Variants in GSE1 observed in about 807,000 individuals in gnomAD.
The protein encoded by GSE1 is Gse1 coiled-coil protein, also known as genetic suppressor element 1.
GSE1 carries 32 observed loss-of-function variants against 112.6 expected under a neutral mutation model. That is an observed-to-expected ratio of 0.28 (90% confidence interval 0.21 to 0.38). GSE1 has a LOEUF of 0.38. Among genes scored for constraint, GSE1 ranks in the 10% least tolerant of loss-of-function variants. The probability of loss-of-function intolerance (pLI) is 1.00; values close to 1 mark genes in which losing one functional copy is unlikely to be tolerated. For synonymous variants in GSE1, 1,115 were observed against 735.6 expected (o/e 1.52, Z -8.35); for missense variants, 2,348 against 1,699.2 (o/e 1.38, Z -6.71).
intron 2 of GSE1, among the ~76,000 whole-genome samples, chr16:85,523,022 T>C (rs1474779024): frequency 6.6e-6 from 1 of 152,032 alleles, no homozygotes; most frequent in Non-Finnish European, 1.5e-5. Flanking sequence ...ACGTGTTGTG[T>C]GTATGCGTGT....
intron 2 of GSE1, among the ~76,000 whole-genome samples, chr16:85,505,396 C>G (rs1051616282): frequency 6.6e-6 from 1 of 152,184 alleles, no homozygotes; most frequent in African/African-American, 2.4e-5. Context: ...GCTCCTGGGA[C>G]TGTGATGGTG....
At chr16:85,193,219 C>T (rs568629767) in intron 1 of GSE1, among the ~76,000 whole-genome samples, 10 of 152,316 alleles carry the variant, frequency 6.6e-5, no homozygotes, top group Admixed American at 2.6e-4. Context: ...TTCAATTCTT[C>T]GGTGTCTGTT....
chr16:85,433,738 G>A (rs1368272484), intron 2 of GSE1, among the ~76,000 whole-genome samples: 1 of 152,174 alleles, frequency 6.6e-6, no homozygotes, highest in Non-Finnish European at 1.5e-5. Flanking sequence ...TGGAGGGTCA[G>A]ATGGATCAAT....
chr16:85,178,210 G>A (rs1443429631), intron 1 of GSE1, among the ~76,000 whole-genome samples: 2 of 152,184 alleles, frequency 1.3e-5, no homozygotes, highest in African/African-American at 4.8e-5. Context: ...AAGACTTCCT[G>A]GAGGAGGTGA....
chr16:85,211,800 G>A (rs2075230827), intron 1 of GSE1, among the ~76,000 whole-genome samples: 1 of 152,234 alleles, frequency 6.6e-6, no homozygotes, highest in African/African-American at 2.4e-5. Context: ...CTTGCAGCTG[G>A]AAGCTGACCC....
intron 1 of GSE1, among the ~76,000 whole-genome samples, chr16:85,295,115 T>C (rs1380579346): frequency 5.9e-5 from 9 of 152,068 alleles, no homozygotes; most frequent in Admixed American, 2.6e-4. Context: ...CAACCTGAAT[T>C]TGAGGGAGAT....
chr16:85,274,182 G>A (rs188712963), intron 1 of GSE1, among the ~76,000 whole-genome samples: 10 of 150,282 alleles, frequency 6.7e-5, no homozygotes, highest in Admixed American at 2.7e-4. Flanking sequence ...TTAGGAGTTC[G>A]AGACCAGCCT....
chr16:85,409,325 A>G (rs549219428), intron 2 of GSE1, among the ~76,000 whole-genome samples: 1 of 40,356 alleles, frequency 2.5e-5, no homozygotes, highest in Non-Finnish European at 4.6e-5. Context: ...GATAATCCTC[A>G]CTGTTACACT....
chr16:85,230,266 C>T (rs1174282520), intron 1 of GSE1, among the ~76,000 whole-genome samples: 2 of 152,200 alleles, frequency 1.3e-5, no homozygotes, highest in African/African-American at 4.8e-5. Flanking sequence ...TTTAGAACTG[C>T]TGCTCCAACC....
rs376900205 is a variant in GSE1, at chr16:85,651,360, CAT to C, written c.426+2610_426+2611del. Among the ~76,000 whole-genome samples the C allele has an allele frequency of 9.1e-4, 139 of 152,112 alleles. No individual in the cohort carries two copies. In the South Asian group the frequency reaches 0.017, roughly 18 times the overall value. On this transcript the variant is annotated intron_variant, in intron 3 of 15. Coordinates refer to ENST00000253458, the MANE Select transcript of GSE1 (RefSeq NM_014615.5). ...GCGCCAGCCAGACGGAAGCCACAGA[CAT>C]GTGGGTCTGGCTCGCCGGGCCCCTG...
At chr16:85,615,464 A>G (rs936759984) in intron 1 of GSE1, among the ~76,000 whole-genome samples, 19 of 152,158 alleles carry the variant, frequency 1.2e-4, no homozygotes, top group African/African-American at 4.6e-4. Context: ...CAAAGTCAGG[A>G]GGGGAAGCTG....
intron 2 of GSE1, among the ~76,000 whole-genome samples, chr16:85,491,609 T>C (rs893660711): frequency 1.7e-4 from 26 of 152,036 alleles, no homozygotes; most frequent in African/African-American, 5.1e-4. Flanking sequence ...TGGAAGGAGC[T>C]TGGGCTCAGG....
At chr16:85,450,730 T>C (rs1446798505) in intron 2 of GSE1, among the ~76,000 whole-genome samples, 2 of 149,656 alleles carry the variant, frequency 1.3e-5, no homozygotes, top group Admixed American at 6.7e-5. Flanking sequence ...ATTACAGGCA[T>C]GAGCCACCTC....
At chr16:85,561,561 C>T (rs191075985) in intron 1 of GSE1, among the ~76,000 whole-genome samples, 106 of 152,348 alleles carry the variant, frequency 7.0e-4, no homozygotes, top group Middle Eastern at 3.4e-3. Context: ...AAAGGCTGCC[C>T]TCGGCCCTCC....
chr16:85,352,659 G>T (rs1296936180), intron 1 of GSE1, among the ~76,000 whole-genome samples: 2 of 152,204 alleles, frequency 1.3e-5, no homozygotes. Flanking sequence ...GGGGCCCTTT[G>T]CCTCTGTTTG....
At chr16:85,556,757 C>A (rs866049482) in intron 1 of GSE1, among the ~76,000 whole-genome samples, 4 of 144,422 alleles carry the variant, frequency 2.8e-5, no homozygotes, top group African/African-American at 5.0e-5. Flanking sequence ...ATGCCCCCCC[C>A]CCCCCCAGTC....
At chr16:85,433,665 A>AGT (rs1292832165) in intron 2 of GSE1, among the ~76,000 whole-genome samples, 1 of 151,360 alleles carries the variant, frequency 6.6e-6, no homozygotes, top group Non-Finnish European at 1.5e-5. Context: ...ATGGATAGAT[A>AGT]CTTGCATGGG....
At chr16:85,554,862 C>T (rs889649819), upstream of GSE1, 10 of 985,096 alleles carry the variant, frequency 1.0e-5, no homozygotes, top group African/African-American at 1.7e-4. Context: ...CCAGCGGCGC[C>T]CGCAGCCGCC....
chr16:85,421,254 G>C (rs1169546515), intron 2 of GSE1, among the ~76,000 whole-genome samples: 2 of 147,442 alleles, frequency 1.4e-5, no homozygotes, highest in Non-Finnish European at 3.1e-5. Flanking sequence ...CCAAGACTGG[G>C]GTCCCTGGGG....
Sources: gnomAD v4.1 joint callset for allele counts (sites outside exome capture counted in the v4.1 genomes callset) on GRCh38, gnomAD v4.1.1 for gene constraint, MANE v1.5 for transcripts, NCBI Gene and HGNC (gene_info 2026-07-23, HGNC 2026-07-21) for gene names.